Variants in MED1 observed in about 807,000 individuals in gnomAD.
The protein encoded by MED1 is mediator of RNA polymerase II transcription subunit 1.
In MED1, 17 loss-of-function variants were observed where a neutral mutation model predicts 121.3. The observed-to-expected ratio is 0.14, with a 90% CI of 0.10 to 0.21. The LOEUF (loss-of-function observed/expected upper bound fraction) is 0.21, where lower values mean the gene tolerates loss of function less well. Ranked by LOEUF, MED1 falls within the 10% of genes least tolerant of loss-of-function variation. The probability of loss-of-function intolerance (pLI) is 1.00; values close to 1 mark genes in which losing one functional copy is unlikely to be tolerated. For missense variants in MED1, 1,558 were observed against 1,919.4 expected, an observed-to-expected ratio of 0.81 and a Z score of 3.52; for synonymous variants, 661 against 694.4, an observed-to-expected ratio of 0.95 and a Z score of 0.76.
rs1371339560 is a variant in MED1 at position 39,431,809 on chromosome 17, A to C, written c.575+133T>G. On this transcript the variant is annotated intron_variant, in intron 8 of 16. Transcript: ENST00000300651. Reference sequence around the variant, plus strand: ...AGCGATACTGATACTCAGAAGTTCAAATACAATCATCATTTTGGAAGAGAA... The same window carrying C: ...AGCGATACTGATACTCAGAAGTTCACATACAATCATCATTTTGGAAGAGAA... The C allele has an allele frequency of 9.7e-6, 6 of 619,542 alleles. No individual in the cohort carries two copies. The East Asian group carries it at 1.8e-4, about 19-fold the overall frequency. 38.4% of individuals were successfully genotyped at this position (619,542 alleles called of 1,614,324 possible). A position where few individuals can be genotyped will look rare whatever the true frequency, so the allele number is the denominator to read the frequency against.
In MED1 at chr17:39,408,105, C is replaced by T. The variant is rs552637679; in HGVS notation, c.4116G>A (p.Val1372=). The stretch of plus-strand genomic sequence containing the variant: ...ACTCTGAGGTCTTCTTAGAAGAATC[C>T]ACTGAACTCCCGGAGGTGGAAACCT... ...KSKVSTSGSS[V]DSSKKTSESK... Residue 1372 remains valine, a synonymous_variant, in exon 17 of 17, where the codon GTG becomes GTA. Transcript: ENST00000300651. The surrounding 1 kb of genome is among the most constrained non-coding windows in gnomAD (Gnocchi z 4.7). The T allele has an allele frequency of 5.0e-6, 8 of 1,614,028 alleles. No individual in the cohort carries two copies. The highest frequency in any genetic ancestry group is 5.9e-6 in the Non-Finnish European group (7 of 1,180,048).
intron 3 of MED1, among the ~76,000 whole-genome samples, chr17:39,442,944 T>C (rs112588845): frequency 1.9e-3 from 264 of 141,664 alleles, no homozygotes; most frequent in Non-Finnish European, 3.5e-3. Flanking sequence ...CATCTTCTTA[T>C]CGAGATTAAT....
chr17:39,415,481 C>T, intron 14 of MED1, 142 bp from the exon 15 acceptor site: 1 of 625,710 alleles, frequency 1.6e-6, no homozygotes, highest in South Asian at 2.0e-5. Context: ...CAAGACCAGC[C>T]TGGCCAACAT....
rs1250679284 is a variant in MED1 at position 39,440,264 on chromosome 17, C to T, written c.399+122G>A. 3.1e-6 allele frequency: 3 copies of T among 970,116 alleles called. No homozygotes were observed. The highest frequency in any genetic ancestry group is 5.5e-5 in the East Asian group (2 of 36,368). The allele number at this position is 970,116 out of a possible 1,614,324, so 60.1% of individuals were successfully genotyped here. A position where few individuals can be genotyped will look rare whatever the true frequency, so the allele number is the denominator to read the frequency against. On this transcript the variant is annotated intron_variant, in intron 5 of 16. Coordinates refer to ENST00000300651, the MANE Select transcript of MED1 (RefSeq NM_004774.4). This position sits in a 1 kb window ranked among gnomAD's most constrained non-coding sequence, Gnocchi z 4.1. ...CTGTTGATTTTGTAGCCCATCACAT[C>T]ATCTCTACAGTGGCTCATGGAAAAA...
At chr17:39,448,909 CAAAT>C (rs888530039) in intron 1 of MED1, among the ~76,000 whole-genome samples, 3 of 151,940 alleles carry the variant, frequency 2.0e-5, no homozygotes, top group Non-Finnish European at 4.4e-5. Flanking sequence ...AACTCTGTCT[CAAAT>C]AAATAAATAA....
Position 39,434,316 on chromosome 17 carries a change from T to C in MED1, c.433A>G (p.Lys145Glu), listed in dbSNP as rs746980037. ...CPELVQQLRE[K>E]NFDEFSKHLK... Reference sequence around the variant, plus strand: ...TGCTTAGAAAATTCATCAAAATTTTTTTCCCTATAAGGAGTTCAGGGAAGA... The same window carrying C: ...TGCTTAGAAAATTCATCAAAATTTTCTTCCCTATAAGGAGTTCAGGGAAGA... Residue 145 changes from lysine to glutamate, a missense_variant, in exon 7 of 17, where the codon AAA becomes GAA. Physicochemically the swap from Lys to Glu is moderately conservative, Grantham distance 56. Around this residue, in one of 5 missense-constraint regions of MED1, gnomAD observed 443 missense variants for 532.4 expected, o/e 0.83. Coordinates refer to ENST00000300651, the MANE Select transcript of MED1 (RefSeq NM_004774.4). 12 of 1,558,742 alleles carry C rather than the reference T, an allele frequency of 7.7e-6. No individual in the cohort carries two copies. The highest frequency in any genetic ancestry group is 1.0e-5 in the Non-Finnish European group (12 of 1,150,730).
Position 39,407,778 on chromosome 17 carries a change from G to A in MED1, c.4443C>T (p.Ser1481=), listed in dbSNP as rs2048317078. 2 of 1,614,144 alleles carry A rather than the reference G, an allele frequency of 1.2e-6. No homozygotes were observed. The highest frequency in any genetic ancestry group is 1.7e-6 in the Non-Finnish European group (2 of 1,180,046). ...IAEKSYQNSP[S]SDDGIRPLPE... ...GAAGTGGTCGGATACCATCGTCTGA[G>A]CTGGGACTATTCTGATAAGATTTCT... is the stretch of plus-strand genomic sequence containing the variant. The change falls in exon 17 of 17, where the codon AGC becomes AGT. Residue 1481 remains serine (S), a synonymous_variant. Transcript: ENST00000300651.
chr17:39,443,538 G>A lies in MED1; in HGVS notation c.211+12C>T, dbSNP rs2048698978. ...TTTGTGAAATCAGCATATTTCAAAA[G>A]TGTTCACAAACCTTTGAGAGCCTTC... On this transcript the variant is annotated intron_variant, in intron 3 of 16. Coordinates refer to ENST00000300651, the MANE Select transcript of MED1 (RefSeq NM_004774.4). The A allele has an allele frequency of 5.0e-6, 8 of 1,607,346 alleles. No individual in the cohort carries two copies. In the East Asian group the frequency reaches 1.8e-4, roughly 36 times the overall value.
rs1219438717 is a variant in MED1, at chr17:39,406,610, C to G, written c.*865G>C. 1.0e-6 allele frequency: 1 copy of G among 981,578 alleles called. No homozygotes were observed. Among genetic ancestry groups the G allele is most frequent in the African/African-American group, 1.8e-5 (1 of 56,604 alleles). The allele number at this position is 981,578 out of a possible 1,614,324, so 60.8% of individuals were successfully genotyped here. On this transcript the variant is annotated 3_prime_UTR_variant, in exon 17 of 17. Transcript: ENST00000300651. ...ATGAGATTACAAGTCAATACCTCCA[C>G]AGAGAGGTAACTCCTAATATTCCTA...
rs2048348773 is a variant in MED1 at position 39,410,819 on chromosome 17, TC to T, written c.1500-99del. 2.0e-6 allele frequency: 3 copies of T among 1,481,670 alleles called. No individual in the cohort carries two copies. In the African/African-American group the frequency reaches 4.2e-5, roughly 21 times the overall value. 91.8% of individuals were successfully genotyped at this position (1,481,670 alleles called of 1,614,324 possible). ...ATCAGAGTTTTGCAGTAAGCAGTTT[TC>T]AGGTAGGGCAAATAATCTGTAAGAC... On this transcript the variant is annotated intron_variant, in intron 16 of 16. Coordinates refer to ENST00000300651, the MANE Select transcript of MED1 (RefSeq NM_004774.4).
Position 39,409,938 on chromosome 17 carries a change from G to A in MED1, c.2283C>T (p.Pro761=), listed in dbSNP as rs1465742913. 1 of 1,614,126 alleles carries A rather than the reference G, an allele frequency of 6.2e-7. No homozygotes were observed. Among genetic ancestry groups the A allele is most frequent in the Non-Finnish European group, 8.5e-7 (1 of 1,180,038 alleles). ...TYPQPVPHPQ[P]SIQRMVRLSS... ...ATAGTCGGACCATCCTTTGAATACT[G>A]GGTTGGGGGTGAGGTACTGGTTGTG... Residue 761 remains proline, a synonymous_variant, in exon 17 of 17, where the codon CCC becomes CCT. Coordinates refer to ENST00000300651, the MANE Select transcript of MED1 (RefSeq NM_004774.4).
intron 16 of MED1, among the ~76,000 whole-genome samples, chr17:39,412,024 AAG>A (rs2048360336): frequency 6.6e-6 from 1 of 151,624 alleles, no homozygotes; most frequent in African/African-American, 2.4e-5. Context: ...AAAAAAAGAA[AAG>A]AAAAATCTCT....
chr17:39,450,997 C>G (rs374516978), intron 1 of MED1, 41 bp downstream of exon 1: 16 of 1,591,688 alleles, frequency 1.0e-5, no homozygotes, highest in Admixed American at 1.7e-5. Flanking sequence ...CTGGCTCCCC[C>G]AGTTGTGTCC....
intron 2 of MED1, 144 bp downstream of exon 2, chr17:39,447,654 A>G (rs2048741382): frequency 5.7e-6 from 3 of 521,842 alleles, no homozygotes; most frequent in South Asian, 6.2e-5. Flanking sequence ...CCTGTAGTAT[A>G]GATACAATAG....
chr17:39,419,127 G>A (rs1432733340), intron 14 of MED1, among the ~76,000 whole-genome samples: 1 of 151,380 alleles, frequency 6.6e-6, no homozygotes, highest in African/African-American at 2.4e-5. Context: ...TGTTACCCAG[G>A]TTGGAGTGCA....
chr17:39,408,230 C>G lies in MED1; in HGVS notation c.3991G>C (p.Val1331Leu). The G allele has an allele frequency of 6.2e-7, 1 of 1,614,056 alleles. No individual in the cohort carries two copies. The highest frequency in any genetic ancestry group is 8.5e-7 in the Non-Finnish European group (1 of 1,180,034). The change falls in exon 17 of 17, where the codon GTG becomes CTG. Residue 1331 changes from valine (V) to leucine (L), a missense_variant. By Grantham distance (32) the Val-to-Leu change is conservative. This residue lies in a region of MED1 where 264 missense variants were observed against 326.1 expected (regional missense o/e 0.81). Transcript: ENST00000300651. This position sits in a 1 kb window ranked among gnomAD's most constrained non-coding sequence, Gnocchi z 4.7. ...GGATGGCTGGAAGAATTTGTGCTCA[C>G]CCCCATCTGGCCGTCCAGTGGGTCT... ...GEDPLDGQMGVSTNSSSHPMS... is the reference protein window; with the variant it reads ...GEDPLDGQMGLSTNSSSHPMS...
At chr17:39,447,721 C>T in intron 2 of MED1, 77 bp downstream of exon 2, 2 of 1,042,254 alleles carry the variant, frequency 1.9e-6, no homozygotes, top group Non-Finnish European at 2.9e-6. Flanking sequence ...AGTATGAACA[C>T]ATCTACATGG....
chr17:39,422,991 G>A (rs1037337521), intron 13 of MED1, among the ~76,000 whole-genome samples: 4 of 143,724 alleles, frequency 2.8e-5, no homozygotes, highest in Non-Finnish European at 6.0e-5. Flanking sequence ...TCAGCCTCCC[G>A]AGTAGCTGGG....
intron 2 of MED1, 53 bp downstream of exon 2, chr17:39,447,745 T>G: frequency 3.1e-6 from 4 of 1,297,520 alleles, no homozygotes; most frequent in Non-Finnish European, 4.4e-6. Flanking sequence ...GCTTAGCGTA[T>G]TAAGAATAAT....
Sources: gnomAD v4.1 joint callset for allele counts (sites outside exome capture counted in the v4.1 genomes callset) on GRCh38, gnomAD v4.1.1 for gene constraint, gnomAD v4.1.1 regional missense constraint, Gnocchi (gnomAD v3.1) non-coding constraint, MANE v1.5 for transcripts, NCBI Gene and HGNC (gene_info 2026-07-23, HGNC 2026-07-21) for gene names.